ABLIM1: variants seen among roughly 807,000 people sequenced by gnomAD.
The protein encoded by ABLIM1 is actin binding LIM protein 1.
Under a neutral mutation model 107.0 loss-of-function variants are expected in ABLIM1, and 40 were observed. The ratio of observed to expected loss-of-function variants is 0.37; its 90% CI spans 0.29 to 0.49. The LOEUF (loss-of-function observed/expected upper bound fraction) is 0.49, where lower values mean the gene tolerates loss of function less well. Ranked by LOEUF, ABLIM1 falls within the 20% of genes least tolerant of loss-of-function variation. The pLI is 0.97. For synonymous variants in ABLIM1, 357 were observed against 357.3 expected, an observed-to-expected ratio of 1.00 and a Z score of 0.01; for missense variants, 857 against 1,008.5, an observed-to-expected ratio of 0.85 and a Z score of 2.04.
At chr10:114,704,697 G>A (rs2081386140) in intron 1 of ABLIM1, among the ~76,000 whole-genome samples, 1 of 152,032 alleles carries the variant, frequency 6.6e-6, no homozygotes, top group East Asian at 1.9e-4. Flanking sequence ...CTGGGAGGCT[G>A]TGGGGTCCAA....
chr10:114,652,470 A>G lies in ABLIM1; in HGVS notation c.244+5487T>C, dbSNP rs138254424. 2.0e-5 allele frequency among the ~76,000 whole-genome samples: 3 copies of G among 152,326 alleles called. No homozygotes were observed. The East Asian group carries it at 5.8e-4, about 29-fold the overall frequency. On this transcript the variant is annotated intron_variant, in intron 1 of 22. Transcript: ENST00000533213. ...ACCCTGAGTATCTGGGTCTTGGGAA[A>G]CCATTCCGAGTGAAGACAACACCTG...
intron 7 of ABLIM1, among the ~76,000 whole-genome samples, chr10:114,491,006 G>GTATA (rs759409911): frequency 4.2e-4 from 25 of 59,230 alleles, no homozygotes; most frequent in South Asian, 1.1e-3. Flanking sequence ...GTGTGTGTGT[G>GTATA]TGTGTGTATA....
intron 1 of ABLIM1, among the ~76,000 whole-genome samples, chr10:114,759,338 C>CTATA (rs1473244432): frequency 6.6e-6 from 1 of 152,094 alleles, no homozygotes; most frequent in African/African-American, 2.4e-5. Flanking sequence ...GTAAACCAAA[C>CTATA]TATACATTTT....
At chr10:114,465,511 T>C in intron 12 of ABLIM1, 187 bp downstream of exon 12, 1 of 594,142 alleles carries the variant, frequency 1.7e-6, no homozygotes, top group Non-Finnish European at 2.7e-6. Context: ...AACACAGGCT[T>C]AGGATGACTG....
chr10:114,754,919 T>C lies in ABLIM1; in HGVS notation c.-213+13142A>G, dbSNP rs1281821700. ...CTCACTGCATCCCCTTTTTTTCCTG[T>C]GGTAAAGGTGTGACAGTGTCATTCC... On this transcript the variant is annotated intron_variant, in intron 1 of 15. Transcript: ENST00000651092. Among the ~76,000 whole-genome samples the C allele has an allele frequency of 2.6e-5, 4 of 152,062 alleles. No homozygotes were observed. The East Asian group carries it at 5.8e-4, about 22-fold the overall frequency.
At chr10:114,669,816 G>C (rs1329826620) in intron 1 of ABLIM1, among the ~76,000 whole-genome samples, 2 of 152,122 alleles carry the variant, frequency 1.3e-5, no homozygotes, top group Non-Finnish European at 2.9e-5. Flanking sequence ...TGGCGGGAGG[G>C]AAGGGGGATC....
chr10:114,561,593 A>G (rs1281587496), intron 4 of ABLIM1, among the ~76,000 whole-genome samples: 1 of 152,226 alleles, frequency 6.6e-6, no homozygotes, highest in African/African-American at 2.4e-5. Flanking sequence ...CCTTCCAGGA[A>G]CAATCTGTAT....
In ABLIM1 at chr10:114,642,756, C is replaced by T. The variant is rs2497691; in HGVS notation, c.244+15201G>A. Among the ~76,000 whole-genome samples the T allele has an allele frequency of 7.3e-3, 1,112 of 152,224 alleles. 15 individuals are homozygous for T. The highest frequency in any genetic ancestry group is 0.025 in the African/African-American group (1,026 of 41,504). Reference sequence around the variant, plus strand: ...GACTCCAAGTCCTAGACTAAGGCTTCGAACTCCAAAAGATATCATTCTCCA... The same window carrying T: ...GACTCCAAGTCCTAGACTAAGGCTTTGAACTCCAAAAGATATCATTCTCCA... On this transcript the variant is annotated intron_variant, in intron 1 of 22. Transcript: ENST00000533213.
intron 1 of ABLIM1, among the ~76,000 whole-genome samples, chr10:114,652,523 A>G (rs746815059): frequency 6.6e-6 from 1 of 152,182 alleles, no homozygotes; most frequent in Non-Finnish European, 1.5e-5. Flanking sequence ...GAAAGGTCTC[A>G]GCAGGTGCCT....
intron 13 of ABLIM1, among the ~76,000 whole-genome samples, chr10:114,452,778 T>C (rs1223674886): frequency 1.3e-5 from 2 of 152,226 alleles, no homozygotes; most frequent in East Asian, 1.9e-4. Flanking sequence ...ATTTGCATTA[T>C]GACAGCAAAT....
At chr10:114,464,156 G>A (rs2064596957) in intron 12 of ABLIM1, among the ~76,000 whole-genome samples, 1 of 150,642 alleles carries the variant, frequency 6.6e-6, no homozygotes, top group South Asian at 2.1e-4. Context: ...CTCAGCATAT[G>A]TACATGAGCA....
At chr10:114,470,389 C>T (rs1447164074) in intron 10 of ABLIM1, among the ~76,000 whole-genome samples, 1 of 135,092 alleles carries the variant, frequency 7.4e-6, no homozygotes, top group Non-Finnish European at 1.5e-5. Context: ...CACCACTACA[C>T]TCCAGCTGGG....
intron 8 of ABLIM1, among the ~76,000 whole-genome samples, chr10:114,487,312 C>T (rs1433092006): frequency 1.3e-5 from 2 of 152,194 alleles, no homozygotes; most frequent in Non-Finnish European, 2.9e-5. Flanking sequence ...GATTATTGCA[C>T]TGAAAAATAC....
Position 114,459,129 on chromosome 10 carries a change from T to C in ABLIM1, c.1442-5646A>G, listed in dbSNP as rs569195389. On this transcript the variant is annotated intron_variant, in intron 12 of 22. Coordinates refer to ENST00000533213, the MANE Select transcript of ABLIM1 (RefSeq NM_002313.7). ...TGCTGCAAAAACAAGGAACAGGAAG[T>C]GGACTTGGGCAATGGAAGGCTGGGC... Among the ~76,000 whole-genome samples the C allele has an allele frequency of 6.6e-5, 10 of 152,310 alleles. No homozygotes were observed. The South Asian group carries it at 2.1e-3, about 32-fold the overall frequency.
intron 6 of ABLIM1, among the ~76,000 whole-genome samples, chr10:114,528,558 T>C (rs945063986): frequency 6.6e-6 from 1 of 152,208 alleles, no homozygotes; most frequent in Non-Finnish European, 1.5e-5. Context: ...CCTCCATCAA[T>C]GTGTCCTCAC....
chr10:114,518,363 T>G (rs1274530496), intron 6 of ABLIM1, among the ~76,000 whole-genome samples: 1 of 152,050 alleles, frequency 6.6e-6, no homozygotes, highest in Non-Finnish European at 1.5e-5. Flanking sequence ...TAAGTACACT[T>G]CTTTGTACTT....
chr10:114,771,830 G>C (rs2142843254), upstream of ABLIM1, among the ~76,000 whole-genome samples: 1 of 152,234 alleles, frequency 6.6e-6, no homozygotes, highest in South Asian at 2.1e-4. Flanking sequence ...ACACATTCCA[G>C]TCTGTGTTTG....
rs1259269405 is a variant in ABLIM1, at chr10:114,619,471, A to G, written c.245-17510T>C. ...CTTGGCCTCCCAAAGTGCTAGGATT[A>G]CAGGCGTGAGCCACTGTGCCTGGCT... On this transcript the variant is annotated intron_variant, in intron 1 of 22. Coordinates refer to ENST00000533213, the MANE Select transcript of ABLIM1 (RefSeq NM_002313.7). The surrounding 1 kb of genome is among the most constrained non-coding windows in gnomAD (Gnocchi z 4.1). Among the ~76,000 whole-genome samples the G allele has an allele frequency of 2.0e-5, 3 of 152,204 alleles. No individual in the cohort carries two copies. Among genetic ancestry groups the G allele is most frequent in the Non-Finnish European group, 4.4e-5 (3 of 68,038 alleles).
intron 6 of ABLIM1, among the ~76,000 whole-genome samples, chr10:114,508,322 G>A (rs1167449622): frequency 2.0e-5 from 3 of 152,270 alleles, no homozygotes; most frequent in East Asian, 1.9e-4. Context: ...TTTCTCAGGC[G>A]CCTTATTTGC....
Sources: allele counts gnomAD v4.1 joint callset (sites outside exome capture counted in the v4.1 genomes callset), GRCh38; gene constraint gnomAD v4.1.1; non-coding constraint Gnocchi (gnomAD v3.1); transcripts MANE v1.5; gene names NCBI Gene and HGNC (gene_info 2026-07-23, HGNC 2026-07-21).